Variants in NCAM2 observed in about 807,000 individuals in gnomAD.
The protein encoded by NCAM2 is neural cell adhesion molecule 2.
Under a neutral mutation model 98.1 loss-of-function variants are expected in NCAM2, and 30 were observed. The observed-to-expected ratio is 0.31, with a 90% CI of 0.23 to 0.41. The LOEUF (loss-of-function observed/expected upper bound fraction) is 0.41. Ranked by LOEUF, NCAM2 falls within the 10% of genes least tolerant of loss-of-function variation. The pLI, the probability that NCAM2 is intolerant of heterozygous loss-of-function variation, is 1.00. For missense variants in NCAM2, 867 were observed against 1,005.8 expected (o/e 0.86, Z 1.87); for synonymous variants, 368 against 342.4 (o/e 1.07, Z -0.83).
At chr21:21,396,476 C>T (rs2076509421) in intron 9 of NCAM2, among the ~76,000 whole-genome samples, 1 of 152,172 alleles carries the variant, frequency 6.6e-6, no homozygotes, top group Non-Finnish European at 1.5e-5. Context: ...ACTTCTGTGG[C>T]TGGTAGTACC....
At chr21:21,131,220 A>G (rs575470016) in intron 1 of NCAM2, among the ~76,000 whole-genome samples, 3 of 151,542 alleles carry the variant, frequency 2.0e-5, no homozygotes, top group Admixed American at 6.6e-5. Flanking sequence ...TCACCATTCA[A>G]TAACCATATC....
chr21:21,487,831 G>T (rs961357310), intron 15 of NCAM2, among the ~76,000 whole-genome samples: 1 of 152,138 alleles, frequency 6.6e-6, no homozygotes, highest in African/African-American at 2.4e-5. Context: ...GGCCTAGGAG[G>T]TAGCAGTAAA....
intron 1 of NCAM2, among the ~76,000 whole-genome samples, chr21:21,075,122 G>T (rs1318713998): frequency 6.6e-6 from 1 of 152,150 alleles, no homozygotes; most frequent in African/African-American, 2.4e-5. Flanking sequence ...TCACTCATAA[G>T]TGGGAGTTGA....
chr21:21,482,651 C>T (rs1424272245), intron 15 of NCAM2, among the ~76,000 whole-genome samples: 1 of 151,734 alleles, frequency 6.6e-6, no homozygotes, highest in African/African-American at 2.4e-5. Context: ...TATCAACCTA[C>T]TCCCTTTACA....
intron 1 of NCAM2, among the ~76,000 whole-genome samples, chr21:21,034,104 C>T (rs2064749637): frequency 6.6e-6 from 1 of 151,632 alleles, no homozygotes. Flanking sequence ...AGTTTGAGTA[C>T]CCTAGTTTAT....
At chr21:21,388,588 A>G (rs1204730045) in intron 9 of NCAM2, among the ~76,000 whole-genome samples, 2 of 152,220 alleles carry the variant, frequency 1.3e-5, no homozygotes, top group Admixed American at 1.3e-4. Flanking sequence ...CACTTGTTAC[A>G]TATGGCTATG....
At chr21:21,372,103 AAC>A (rs2075931526) in intron 8 of NCAM2, among the ~76,000 whole-genome samples, 1 of 151,854 alleles carries the variant, frequency 6.6e-6, no homozygotes, top group Non-Finnish European at 1.5e-5. Flanking sequence ...CACAAAAAAT[AAC>A]CTATAAATAA....
At chr21:21,267,912 G>T in intron 1 of NCAM2, among the ~76,000 whole-genome samples, 1 of 152,052 alleles carries the variant, frequency 6.6e-6, no homozygotes, top group East Asian at 1.9e-4. Flanking sequence ...ATAGACTCTT[G>T]GTTTAATATA....
chr21:21,332,713 T>C (rs1389854230), intron 6 of NCAM2, among the ~76,000 whole-genome samples: 1 of 152,142 alleles, frequency 6.6e-6, no homozygotes, highest in East Asian at 1.9e-4. Context: ...AACTGCACAC[T>C]CTGTCTTCCA....
At chr21:21,521,711 GA>G (rs199726382) in intron 16 of NCAM2, among the ~76,000 whole-genome samples, 4 of 148,198 alleles carry the variant, frequency 2.7e-5, no homozygotes, top group East Asian at 3.9e-4. Flanking sequence ...GAGGAAATAA[GA>G]AAAAAAAAGA....
chr21:21,383,148 G>A (rs919607242), intron 9 of NCAM2, among the ~76,000 whole-genome samples: 3 of 152,036 alleles, frequency 2.0e-5, no homozygotes, highest in Non-Finnish European at 4.4e-5. Context: ...ATATTATGTT[G>A]TGCATTCTCT....
intron 5 of NCAM2, among the ~76,000 whole-genome samples, chr21:21,304,208 C>G (rs1160235522): frequency 6.6e-6 from 1 of 151,808 alleles, no homozygotes; most frequent in African/African-American, 2.4e-5. Context: ...AAGATTTTCC[C>G]CAATTCTTCT....
chr21:21,400,254 G>A (rs2076599777), intron 9 of NCAM2, among the ~76,000 whole-genome samples: 1 of 152,124 alleles, frequency 6.6e-6, no homozygotes, highest in Non-Finnish European at 1.5e-5. Flanking sequence ...TCAAGGGCAT[G>A]GATTTAAGAA....
At chr21:21,378,554 GTA>G (rs1173833604) in intron 9 of NCAM2, among the ~76,000 whole-genome samples, 1 of 151,922 alleles carries the variant, frequency 6.6e-6, no homozygotes. Context: ...TGAGTTATTT[GTA>G]TATTTTGAAT....
At chr21:21,410,130 C>G (rs1460686721) in intron 9 of NCAM2, 144 bp from the exon 10 acceptor site, 4 of 478,324 alleles carry the variant, frequency 8.4e-6, no homozygotes, top group Non-Finnish European at 9.9e-6. Context: ...GAGACTCCGT[C>G]TCAAAAAGAA....
chr21:21,511,957 T>C (rs1362312801), intron 16 of NCAM2, among the ~76,000 whole-genome samples: 2 of 151,956 alleles, frequency 1.3e-5, no homozygotes, highest in Non-Finnish European at 2.9e-5. Flanking sequence ...TTTTGTTTTT[T>C]TCCTGTTTTG....
chr21:21,249,364 G>C (rs1450869452), intron 1 of NCAM2, among the ~76,000 whole-genome samples: 5 of 152,010 alleles, frequency 3.3e-5, no homozygotes, highest in African/African-American at 1.2e-4. Context: ...TTTTTACATA[G>C]AACTGTGGTT....
At chr21:20,999,675 A>G (rs1196512978) in intron 1 of NCAM2, among the ~76,000 whole-genome samples, 1 of 152,254 alleles carries the variant, frequency 6.6e-6, no homozygotes, top group African/African-American at 2.4e-5. Flanking sequence ...TTAAAATAAT[A>G]TAATAAATTA....
chr21:21,191,398 A>T (rs2068818333), intron 1 of NCAM2, among the ~76,000 whole-genome samples: 1 of 152,208 alleles, frequency 6.6e-6, no homozygotes, highest in African/African-American at 2.4e-5. Flanking sequence ...AGCATGTAGC[A>T]ATGATTTCAG....
Sources: gnomAD v4.1 joint callset for allele counts (sites outside exome capture counted in the v4.1 genomes callset) on GRCh38, gnomAD v4.1.1 for gene constraint, MANE v1.5 for transcripts, NCBI Gene and HGNC (gene_info 2026-07-23, HGNC 2026-07-21) for gene names.